Variants in CLPB observed in about 807,000 individuals in gnomAD.
CLPB encodes the protein mitochondrial disaggregase.
A neutral mutation model predicts 78.4 loss-of-function variants in CLPB; 40 were observed. The ratio of observed to expected loss-of-function variants is 0.51; its 90% confidence interval spans 0.40 to 0.66. CLPB has a LOEUF of 0.66. Ranked by LOEUF, CLPB falls within the 30% of genes least tolerant of loss-of-function variation. The pLI is 0.00. For missense variants in CLPB, 780 were observed against 886.9 expected (o/e 0.88, Z 1.53); for synonymous variants, 333 against 348.0 (o/e 0.96, Z 0.48).
chr11:72,370,571 C>A (rs1951023644), intron 4 of CLPB, among the ~76,000 whole-genome samples: 1 of 152,122 alleles, frequency 6.6e-6, no homozygotes, highest in Non-Finnish European at 1.5e-5. Flanking sequence ...AGCTTTTGGC[C>A]TGGCAGATTC....
intron 5 of CLPB, among the ~76,000 whole-genome samples, chr11:72,334,208 T>C (rs1950279353): frequency 1.3e-5 from 2 of 152,164 alleles, no homozygotes; most frequent in Admixed American, 1.3e-4. Context: ...TAATTTCTAG[T>C]AGGAGTCGTG....
intron 9 of CLPB, among the ~76,000 whole-genome samples, chr11:72,305,255 A>G (rs1472663365): frequency 6.6e-6 from 1 of 152,234 alleles, no homozygotes; most frequent in Admixed American, 6.5e-5. Flanking sequence ...GTGACCTTAG[A>G]TAAGCCTAAG....
At chr11:72,325,733 G>C (rs1590797842) in intron 6 of CLPB, among the ~76,000 whole-genome samples, 1 of 152,210 alleles carries the variant, frequency 6.6e-6, no homozygotes, top group East Asian at 1.9e-4. Flanking sequence ...GGAAACAAAA[G>C]TGTCTGATAA....
chr11:72,398,490 A>G (rs534654396), intron 3 of CLPB, among the ~76,000 whole-genome samples: 1 of 152,334 alleles, frequency 6.6e-6, no homozygotes, highest in South Asian at 2.1e-4. Context: ...AGCATCACCG[A>G]GAGGTTGTAA....
chr11:72,382,503 T>G (rs1038960004), intron 3 of CLPB, among the ~76,000 whole-genome samples: 1 of 152,070 alleles, frequency 6.6e-6, no homozygotes, highest in Non-Finnish European at 1.5e-5. Flanking sequence ...CCCGCAGATA[T>G]AGGCTCTCAG....
intron 8 of CLPB, among the ~76,000 whole-genome samples, chr11:72,308,292 T>G (rs1949780932): frequency 6.6e-6 from 1 of 152,046 alleles, no homozygotes; most frequent in Admixed American, 6.5e-5. Context: ...TGTGAATCAG[T>G]CTTAGCACCA....
In CLPB at chr11:72,295,641, A is replaced by T; in HGVS notation, c.1337T>A (p.Leu446Gln). ...IMLQLFDEGR[L>Q]TDGKGKTIDC... ...AATGGTCTTCCCTTTTCCATCTGTC[A>T]GCCGGCCCTGGGAAGGGAAGGAAGG... Residue 446 changes from leucine to glutamine, a missense_variant, in exon 12 of 16, where the codon CTG (leucine) becomes CAG (glutamine). By Grantham distance (113) the Leu-to-Gln change is moderately radical (BLOSUM62 -2). This residue lies in a region of CLPB where 91 missense variants were observed against 168.2 expected (regional missense o/e 0.54). Transcript: ENST00000538039. 6.2e-7 allele frequency: 1 copy of T among 1,613,944 alleles called. No individual in the cohort carries two copies. The highest frequency in any genetic ancestry group is 8.5e-7 in the Non-Finnish European group (1 of 1,179,978).
At chr11:72,359,980 T>C (rs979412775) in intron 4 of CLPB, among the ~76,000 whole-genome samples, 1 of 152,222 alleles carries the variant, frequency 6.6e-6, no homozygotes, top group Non-Finnish European at 1.5e-5. Context: ...CCCAGGGTGG[T>C]CCTGGTTTTC....
At chr11:72,373,655 A>G (rs1264470502) in intron 4 of CLPB, among the ~76,000 whole-genome samples, 1 of 152,106 alleles carries the variant, frequency 6.6e-6, no homozygotes, top group Non-Finnish European at 1.5e-5. Flanking sequence ...ACTTCTTTCA[A>G]GAATATCACA....
At chr11:72,388,608 G>A (rs1219862882) in intron 3 of CLPB, among the ~76,000 whole-genome samples, 1 of 152,106 alleles carries the variant, frequency 6.6e-6, no homozygotes, top group African/African-American at 2.4e-5. Context: ...GGTATAGACA[G>A]GGCTAAAGAA....
chr11:72,354,406 G>A lies in CLPB; in HGVS notation c.775+4474C>T, dbSNP rs572580674. On this transcript the variant is annotated intron_variant, in intron 5 of 15. Transcript: ENST00000538039. ...TGGAGGAACCTTGGTCAAGAAAAACGGCCATGATTAGAGATATGTTTTAGG... is the reference window on the plus strand; with the variant it reads ...TGGAGGAACCTTGGTCAAGAAAAACAGCCATGATTAGAGATATGTTTTAGG... 2.3e-4 allele frequency: 90 copies of A among 398,080 alleles called. 1 individual carries two copies. Among genetic ancestry groups the A allele is most frequent in the Admixed American group, 4.0e-4 (9 of 22,672 alleles). The allele number at this position is 398,080 out of a possible 1,614,324, so 24.7% of individuals were successfully genotyped here. A position where few individuals can be genotyped will look rare whatever the true frequency, so the allele number is the denominator to read the frequency against.
In CLPB at chr11:72,358,989, A is replaced by T. The variant is rs1950780728; in HGVS notation, c.666T>A (p.Asp222Glu). The T allele has an allele frequency of 6.2e-7, 1 of 1,613,416 alleles. No individual in the cohort carries two copies. The highest frequency in any genetic ancestry group is 1.3e-5 in the African/African-American group (1 of 74,696). Residue 222 changes from aspartate to glutamate, a missense_variant, in exon 5 of 16, where the codon GAT becomes GAA. Transcript: ENST00000538039. ...GGTTGTTCAGCCTGTTGTTGAAGTCATCCTCTCGGGTGATCAGGACTGGGG... is the reference window on the plus strand; with the variant it reads ...GGTTGTTCAGCCTGTTGTTGAAGTCTTCCTCTCGGGTGATCAGGACTGGGG... ...HSLEVLITRE[D>E]DFNNRLNNRA...
intron 3 of CLPB, among the ~76,000 whole-genome samples, chr11:72,396,460 T>C (rs1690911374): frequency 1.3e-5 from 2 of 152,096 alleles, no homozygotes; most frequent in Non-Finnish European, 2.9e-5. Flanking sequence ...GGATCTTTGG[T>C]TCCTGAAGCA....
At chr11:72,417,989 G>A (rs1426449755) in intron 2 of CLPB, among the ~76,000 whole-genome samples, 1 of 152,118 alleles carries the variant, frequency 6.6e-6, no homozygotes, top group African/African-American at 2.4e-5. Flanking sequence ...AGGAGGCCTG[G>A]GTGCTATCCC....
Position 72,330,133 on chromosome 11 carries a change from T to C in CLPB, c.776-329A>G, listed in dbSNP as rs139573597. Among the ~76,000 whole-genome samples the C allele has an allele frequency of 1.4e-3, 214 of 152,368 alleles. 1 individual carries two copies. The highest frequency in any genetic ancestry group is 3.5e-3 in the Admixed American group (54 of 15,308). Reference sequence around the variant, plus strand: ...ATACATGTATTCATTAAAATGTCCATATTTTCCAACATATCAGCATACAGA... The same window carrying C: ...ATACATGTATTCATTAAAATGTCCACATTTTCCAACATATCAGCATACAGA... On this transcript the variant is annotated intron_variant, in intron 5 of 15. Transcript: ENST00000538039.
chr11:72,347,550 G>A lies in CLPB; in HGVS notation c.775+11330C>T, dbSNP rs1045755951. Among the ~76,000 whole-genome samples, 5 of 152,334 alleles carry A rather than the reference G, an allele frequency of 3.3e-5. No individual in the cohort carries two copies. The East Asian group carries it at 9.6e-4, about 29-fold the overall frequency. On this transcript the variant is annotated intron_variant, in intron 5 of 15. Coordinates refer to ENST00000538039, the MANE Select transcript of CLPB (RefSeq NM_001258392.3). ...GGAGAAACTGGACAATTCTTTGATT[G>A]GAGATGGGGTGAGAGTAGACTTTTC... is the stretch of plus-strand genomic sequence containing the variant.
At chr11:72,393,334 A>T (rs145243268) in intron 3 of CLPB, among the ~76,000 whole-genome samples, 345 of 152,324 alleles carry the variant, frequency 2.3e-3, no homozygotes, top group Middle Eastern at 0.014. Flanking sequence ...GGGCTGGCAT[A>T]TCTCTTAGAC....
chr11:72,405,257 T>C (rs1265560544), intron 2 of CLPB, among the ~76,000 whole-genome samples: 1 of 152,192 alleles, frequency 6.6e-6, no homozygotes. Flanking sequence ...GGCAGCTCCA[T>C]CTGGGTGACA....
intron 4 of CLPB, among the ~76,000 whole-genome samples, chr11:72,367,624 A>T (rs916743863): frequency 6.6e-6 from 1 of 152,124 alleles, no homozygotes; most frequent in African/African-American, 2.4e-5. Context: ...GGAGGGATGA[A>T]GGGGGGCACG....
Sources: allele counts gnomAD v4.1 joint callset (sites outside exome capture counted in the v4.1 genomes callset), GRCh38; gene constraint gnomAD v4.1.1; regional missense constraint gnomAD v4.1.1; transcripts MANE v1.5; gene names NCBI Gene and HGNC (gene_info 2026-07-23, HGNC 2026-07-21).